The following RSPO3 variants were observed in gnomAD, a reference collection of about 807,000 sequenced individuals.
RSPO3 encodes the protein R-spondin-3.
Under a neutral mutation model 36.5 loss-of-function variants are expected in RSPO3, and 17 were observed. The ratio of observed to expected loss-of-function variants is 0.47; its 90% CI spans 0.32 to 0.70. RSPO3 has a LOEUF of 0.70. Among genes scored for constraint, RSPO3 ranks in the 30% least tolerant of loss-of-function variants. The pLI, the probability that RSPO3 is intolerant of heterozygous loss-of-function variation, is 0.04. For missense variants in RSPO3, 294 were observed against 322.5 expected (o/e 0.91, Z 0.68); for synonymous variants, 108 against 107.0 (o/e 1.01, Z -0.06).
rs184634289 is a variant in RSPO3 at position 127,120,200 on chromosome 6, G to A, written c.97+911G>A. ...ACCACGGCAGCCTCAACCTGGGTTG[G>A]TCTGTCTGAAAGGTAGAATCTTCCC... On this transcript the variant is annotated intron_variant, in intron 1 of 4. Coordinates refer to ENST00000356698, the MANE Select transcript of RSPO3 (RefSeq NM_032784.5). Among the ~76,000 whole-genome samples, 773 of 152,286 alleles carry A rather than the reference G, an allele frequency of 5.1e-3. 2 individuals are homozygous for A. The highest frequency in any genetic ancestry group is 8.0e-3 in the Non-Finnish European group (544 of 68,020).
intron 4 of RSPO3, among the ~76,000 whole-genome samples, chr6:127,177,413 C>T (rs1422005726): frequency 3.3e-5 from 5 of 151,794 alleles, no homozygotes; most frequent in Non-Finnish European, 5.9e-5. Flanking sequence ...GCTGGCCATA[C>T]AAGCAGGCAG....
chr6:127,193,890 GT>G (rs1196712096), intron 4 of RSPO3, among the ~76,000 whole-genome samples: 11 of 152,268 alleles, frequency 7.2e-5, no homozygotes, highest in African/African-American at 2.6e-4. Context: ...AATATAAGTA[GT>G]TCAGTTTAGG....
chr6:127,152,068 T>C (rs1217073081), intron 3 of RSPO3, among the ~76,000 whole-genome samples: 1 of 152,170 alleles, frequency 6.6e-6, no homozygotes. Context: ...GTATTAATGC[T>C]TTTCTGTCAG....
At chr6:127,159,030 A>G (rs1774651829) in intron 4 of RSPO3, among the ~76,000 whole-genome samples, 1 of 152,158 alleles carries the variant, frequency 6.6e-6, no homozygotes, top group African/African-American at 2.4e-5. Flanking sequence ...ACAAGGAGAA[A>G]ATGCATTTCC....
At chr6:127,178,923 AGAG>A (rs903638333) in intron 4 of RSPO3, among the ~76,000 whole-genome samples, 26 of 151,886 alleles carry the variant, frequency 1.7e-4, no homozygotes, top group Non-Finnish European at 2.8e-4. Context: ...GTGAACACCC[AGAG>A]GAGAGAAAAC....
At chr6:127,131,158 A>ATT (rs1774045325) in intron 1 of RSPO3, among the ~76,000 whole-genome samples, 1 of 152,130 alleles carries the variant, frequency 6.6e-6, no homozygotes, top group Non-Finnish European at 1.5e-5. Context: ...ACATAGATGC[A>ATT]TACTTGGCCC....
intron 1 of RSPO3, among the ~76,000 whole-genome samples, chr6:127,126,899 C>T (rs996065403): frequency 6.6e-6 from 1 of 152,004 alleles, no homozygotes; most frequent in East Asian, 1.9e-4. Flanking sequence ...ATTTTTAGGG[C>T]TTCTGTATCC....
At chr6:127,146,439 G>A (rs1774385733) in intron 1 of RSPO3, among the ~76,000 whole-genome samples, 1 of 152,096 alleles carries the variant, frequency 6.6e-6, no homozygotes, top group Non-Finnish European at 1.5e-5. Flanking sequence ...TTACAATCAT[G>A]AGACTTATTC....
At chr6:127,137,411 T>C (rs1360733406) in intron 1 of RSPO3, among the ~76,000 whole-genome samples, 1 of 152,036 alleles carries the variant, frequency 6.6e-6, no homozygotes, top group Non-Finnish European at 1.5e-5. Flanking sequence ...TAAATAAATA[T>C]CATTATAAGA....
intron 4 of RSPO3, among the ~76,000 whole-genome samples, chr6:127,193,134 T>TA (rs948006407): frequency 6.6e-6 from 1 of 152,220 alleles, no homozygotes; most frequent in Non-Finnish European, 1.5e-5. Context: ...TACAATGTGT[T>TA]AGTTTCCTGT....
At chr6:127,195,271 T>C (rs1775491621) in intron 4 of RSPO3, among the ~76,000 whole-genome samples, 1 of 152,124 alleles carries the variant, frequency 6.6e-6, no homozygotes, top group South Asian at 2.1e-4. Context: ...CAGGCTCAAG[T>C]GATCCTCCTA....
chr6:127,194,474 T>C (rs76761437), intron 4 of RSPO3, among the ~76,000 whole-genome samples: 10,123 of 152,238 alleles, frequency 0.066, 689 homozygotes, highest in African/African-American at 0.18. Flanking sequence ...TGTTCATGGA[T>C]GTTACTAAAA....
chr6:127,197,542 A>G lies in RSPO3; in HGVS notation c.*1535A>G. ...GCACAGAATCGCATGACCCACCTTA[A>G]CCTTCCTGTTGTCATGGAAGGATGC... On this transcript the variant is annotated 3_prime_UTR_variant, in exon 5 of 5. Transcript: ENST00000356698. 2 of 1,549,520 alleles carry G rather than the reference A, an allele frequency of 1.3e-6. No individual in the cohort carries two copies. The highest frequency in any genetic ancestry group is 1.7e-6 in the Non-Finnish European group (2 of 1,146,674).
chr6:127,166,645 A>G (rs1774826490), intron 4 of RSPO3, among the ~76,000 whole-genome samples: 1 of 152,030 alleles, frequency 6.6e-6, no homozygotes, highest in Non-Finnish European at 1.5e-5. Flanking sequence ...TGTGAGATCT[A>G]ATATTAAATG....
At chr6:127,178,492 GA>G (rs1484210937) in intron 4 of RSPO3, among the ~76,000 whole-genome samples, 1 of 151,602 alleles carries the variant, frequency 6.6e-6, no homozygotes, top group East Asian at 1.9e-4. Flanking sequence ...GTCAGAAATA[GA>G]ATATCAATTT....
intron 1 of RSPO3, among the ~76,000 whole-genome samples, chr6:127,126,744 A>G (rs1562239393): frequency 1.3e-5 from 2 of 152,134 alleles, no homozygotes; most frequent in Non-Finnish European, 2.9e-5. Flanking sequence ...TGCTCTCTTA[A>G]TATAAGAGAA....
intron 4 of RSPO3, among the ~76,000 whole-genome samples, chr6:127,172,322 TA>T (rs909105947): frequency 1.3e-5 from 2 of 150,958 alleles, no homozygotes; most frequent in African/African-American, 4.9e-5. Flanking sequence ...AATCAGAAAT[TA>T]AAAAAAATAT....
intron 4 of RSPO3, among the ~76,000 whole-genome samples, chr6:127,169,350 G>A (rs1359983601): frequency 6.6e-6 from 1 of 151,734 alleles, no homozygotes; most frequent in Non-Finnish European, 1.5e-5. Flanking sequence ...AACATTATAG[G>A]TGACAGTTGT....
chr6:127,135,371 A>C (rs913687592), intron 1 of RSPO3, among the ~76,000 whole-genome samples: 2 of 150,448 alleles, frequency 1.3e-5, no homozygotes, highest in Non-Finnish European at 3.0e-5. Flanking sequence ...CAGTGAGCCG[A>C]AATCGTGCCA....
Sources: gnomAD v4.1 joint callset for allele counts (sites outside exome capture counted in the v4.1 genomes callset) on GRCh38, gnomAD v4.1.1 for gene constraint, MANE v1.5 for transcripts, NCBI Gene and HGNC (gene_info 2026-07-23, HGNC 2026-07-21) for gene names.